Variants in PDE7B observed in about 807,000 individuals in gnomAD.
The protein encoded by PDE7B is 3',5'-cyclic-AMP phosphodiesterase 7B.
A neutral mutation model predicts 56.2 loss-of-function variants in PDE7B; 29 were observed. That is an observed-to-expected ratio of 0.52 (90% confidence interval 0.38 to 0.70). The LOEUF is 0.70. Among genes scored for constraint, PDE7B ranks in the 30% least tolerant of loss-of-function variants. PDE7B has a pLI of 0.00. For synonymous variants in PDE7B, 197 were observed against 196.9 expected (o/e 1.00, Z 0.00); for missense variants, 490 against 565.0 (o/e 0.87, Z 1.35).
intron 2 of PDE7B, among the ~76,000 whole-genome samples, chr6:136,033,352 C>T (rs1296944452): frequency 6.6e-6 from 1 of 152,140 alleles, no homozygotes; most frequent in African/African-American, 2.4e-5. Context: ...AGCTGAAATC[C>T]TAGTTTCTCT....
intron 1 of PDE7B, among the ~76,000 whole-genome samples, chr6:135,864,810 A>C (rs1051620994): frequency 4.0e-5 from 6 of 151,866 alleles, no homozygotes; most frequent in Admixed American, 2.0e-4. Flanking sequence ...TTATTATTAT[A>C]CTTTAAGTTC....
At chr6:136,066,584 A>G (rs776876022) in intron 2 of PDE7B, among the ~76,000 whole-genome samples, 11 of 152,244 alleles carry the variant, frequency 7.2e-5, no homozygotes, top group Admixed American at 2.6e-4. Context: ...GCAGGTGCAA[A>G]CCAGTTATGA....
At chr6:135,978,155 A>T (rs899386592) in intron 2 of PDE7B, among the ~76,000 whole-genome samples, 22 of 152,104 alleles carry the variant, frequency 1.4e-4, no homozygotes, top group Admixed American at 1.2e-3. Context: ...CACCCAGGCT[A>T]TGTGCTCTAG....
intron 2 of PDE7B, among the ~76,000 whole-genome samples, chr6:136,053,461 C>T (rs560235811): frequency 2.6e-4 from 39 of 152,018 alleles, no homozygotes; most frequent in African/African-American, 7.7e-4. Context: ...TCTATCATTG[C>T]TGGACATTTG....
At chr6:136,178,960 T>G in intron 9 of PDE7B, 37 bp from the exon 10 acceptor site, 2 of 1,611,222 alleles carry the variant, frequency 1.2e-6, no homozygotes, top group Non-Finnish European at 1.7e-6. Context: ...GGGATTTGCT[T>G]TGTGTGTGTT....
intron 1 of PDE7B, among the ~76,000 whole-genome samples, chr6:135,852,395 G>A (rs1453461669): frequency 6.6e-6 from 1 of 152,120 alleles, no homozygotes; most frequent in Non-Finnish European, 1.5e-5. Context: ...GGACAGGATA[G>A]GAAAATGCTG....
chr6:136,181,329 T>C lies in PDE7B; in HGVS notation c.1045+6T>C. 4.5e-6 allele frequency: 7 copies of C among 1,552,096 alleles called. No homozygotes were observed. Among genetic ancestry groups the C allele is most frequent in the Non-Finnish European group, 6.2e-6 (7 of 1,123,548 alleles). On this transcript the variant is annotated splice_donor_region_variant and intron_variant, in intron 11 of 12. Transcript: ENST00000308191. ...TGAAGAATTCTACAGGCAAGGTTAG[T>C]AGTGATCCAACAGCTGAGATTTCAT...
chr6:135,896,629 A>G (rs1297660367), intron 1 of PDE7B, among the ~76,000 whole-genome samples: 1 of 152,042 alleles, frequency 6.6e-6, no homozygotes, highest in Admixed American at 6.6e-5. Context: ...TACTGTCCCC[A>G]TTTTACAGAT....
intron 3 of PDE7B, among the ~76,000 whole-genome samples, chr6:136,133,291 G>T (rs1159089088): frequency 1.3e-5 from 2 of 150,268 alleles, no homozygotes; most frequent in African/African-American, 4.9e-5. Flanking sequence ...AAAGCATAAA[G>T]GTTTTCTTTC....
intron 8 of PDE7B, among the ~76,000 whole-genome samples, chr6:136,171,416 G>T (rs967982118): frequency 6.6e-6 from 1 of 152,142 alleles, no homozygotes; most frequent in Non-Finnish European, 1.5e-5. Context: ...TATCAAATCA[G>T]AACCATAATG....
chr6:135,909,479 G>A (rs113655436), intron 1 of PDE7B, among the ~76,000 whole-genome samples: 1,672 of 152,114 alleles, frequency 0.011, 30 homozygotes, highest in African/African-American at 0.037. Flanking sequence ...GGTGGTGTGC[G>A]CCTATAATCC....
intron 10 of PDE7B, 149 bp downstream of exon 10, chr6:136,179,290 A>C: frequency 1.5e-6 from 1 of 659,620 alleles, no homozygotes. Context: ...ACAGTGAGCT[A>C]TGATTGCACC....
intron 3 of PDE7B, among the ~76,000 whole-genome samples, chr6:136,110,563 T>C (rs1293789585): frequency 5.3e-5 from 8 of 152,256 alleles, no homozygotes; most frequent in Middle Eastern, 3.4e-3. Context: ...ATTAGGAAAA[T>C]AAGGGGATAT....
At chr6:135,895,588 A>G (rs1775887044) in intron 1 of PDE7B, among the ~76,000 whole-genome samples, 1 of 152,164 alleles carries the variant, frequency 6.6e-6, no homozygotes, top group South Asian at 2.1e-4. Flanking sequence ...GTTTCAGCAA[A>G]GATGAGAATT....
chr6:135,901,696 T>C (rs1235020301), intron 1 of PDE7B, among the ~76,000 whole-genome samples: 1 of 152,192 alleles, frequency 6.6e-6, no homozygotes, highest in Non-Finnish European at 1.5e-5. Flanking sequence ...GAGTTTCCAA[T>C]TGTGTCCACA....
chr6:136,007,526 A>T (rs567534384), intron 2 of PDE7B, among the ~76,000 whole-genome samples: 2 of 152,228 alleles, frequency 1.3e-5, no homozygotes, highest in East Asian at 3.9e-4. Context: ...TAAGTTACTT[A>T]ATCTCTCCTA....
At chr6:135,934,835 A>G (rs1395530336) in intron 1 of PDE7B, among the ~76,000 whole-genome samples, 1 of 114,054 alleles carries the variant, frequency 8.8e-6, no homozygotes, top group Non-Finnish European at 1.6e-5. Flanking sequence ...ATAAATAAAT[A>G]TATATATTTA....
chr6:136,003,354 A>G (rs1775709768), intron 2 of PDE7B, among the ~76,000 whole-genome samples: 1 of 152,064 alleles, frequency 6.6e-6, no homozygotes, highest in Non-Finnish European at 1.5e-5. Context: ...CTAAAATCAG[A>G]GCAGAACTGA....
chr6:136,090,256 A>AT (rs1777365991), intron 2 of PDE7B, among the ~76,000 whole-genome samples: 1 of 152,216 alleles, frequency 6.6e-6, no homozygotes, highest in Admixed American at 6.5e-5. Flanking sequence ...GGAGAAAGCC[A>AT]TGCTAAAAGG....
Sources: gnomAD v4.1 joint callset for allele counts (sites outside exome capture counted in the v4.1 genomes callset) on GRCh38, gnomAD v4.1.1 for gene constraint, MANE v1.5 for transcripts, NCBI Gene and HGNC (gene_info 2026-07-23, HGNC 2026-07-21) for gene names.